Variants in ALK observed in about 807,000 individuals in gnomAD.
ALK encodes the protein ALK tyrosine kinase receptor.
Under a neutral mutation model 163.1 loss-of-function variants are expected in ALK, and 74 were observed. That is an observed-to-expected ratio of 0.45 (90% CI 0.38 to 0.55). The LOEUF is 0.55. Among genes scored for constraint, ALK ranks in the 20% least tolerant of loss-of-function variants. The pLI, the probability that ALK is intolerant of heterozygous loss-of-function variation, is 0.00. For missense variants in ALK, 2,063 were observed against 2,105.3 expected, an observed-to-expected ratio of 0.98 and a Z score of 0.39; for synonymous variants, 960 against 843.2, an observed-to-expected ratio of 1.14 and a Z score of -2.40.
chr2:29,800,779 A>G (rs1049875218), intron 1 of ALK, among the ~76,000 whole-genome samples: 7 of 152,224 alleles, frequency 4.6e-5, no homozygotes, highest in Non-Finnish European at 1.5e-5. Flanking sequence ...ACAGGCAGAG[A>G]GGAAGAACCA....
chr2:29,870,890 T>G (rs1374736333), intron 1 of ALK, among the ~76,000 whole-genome samples: 7 of 152,142 alleles, frequency 4.6e-5, no homozygotes, highest in African/African-American at 1.7e-4. Flanking sequence ...TAGGAACAAT[T>G]AAGTGTTTTA....
At chr2:29,868,600 T>C (rs981427559) in intron 1 of ALK, among the ~76,000 whole-genome samples, 3 of 152,086 alleles carry the variant, frequency 2.0e-5, no homozygotes, top group African/African-American at 7.2e-5. Context: ...TATAGATATC[T>C]AGGGGAGGGG....
chr2:29,566,339 AAG>A (rs1674189495), intron 3 of ALK, among the ~76,000 whole-genome samples: 1 of 152,234 alleles, frequency 6.6e-6, no homozygotes, highest in Non-Finnish European at 1.5e-5. Flanking sequence ...CATTTTATTT[AAG>A]ATGCTAACAA....
intron 1 of ALK, among the ~76,000 whole-genome samples, chr2:29,908,205 C>T (rs556683404): frequency 6.6e-6 from 1 of 152,114 alleles, no homozygotes; most frequent in African/African-American, 2.4e-5. Context: ...CACAAAAAGC[C>T]AGGCTAACCT....
At chr2:29,280,632 G>T (rs996004808) in intron 9 of ALK, among the ~76,000 whole-genome samples, 1 of 150,704 alleles carries the variant, frequency 6.6e-6, no homozygotes. Context: ...GGGACTGAGG[G>T]AAAGTTCTAG....
At chr2:29,393,106 C>G (rs973339380) in intron 4 of ALK, among the ~76,000 whole-genome samples, 7 of 152,100 alleles carry the variant, frequency 4.6e-5, no homozygotes, top group Middle Eastern at 3.2e-3. Context: ...TTTAGTACCC[C>G]TAGACCCCCT....
At chr2:29,311,254 C>T (rs1420960973) in intron 8 of ALK, among the ~76,000 whole-genome samples, 1 of 152,198 alleles carries the variant, frequency 6.6e-6, no homozygotes, top group Non-Finnish European at 1.5e-5. Context: ...CTTCAAAATG[C>T]ACCATCTATG....
chr2:29,735,461 ATAGTAG>A (rs1040123888), intron 1 of ALK, among the ~76,000 whole-genome samples: 5 of 152,058 alleles, frequency 3.3e-5, no homozygotes, highest in African/African-American at 1.2e-4. Context: ...AATAATAGTA[ATAGTAG>A]TAGTAAGAGT....
intron 11 of ALK, among the ~76,000 whole-genome samples, chr2:29,262,653 G>A (rs190504609): frequency 9.1e-4 from 138 of 152,306 alleles, no homozygotes; most frequent in African/African-American, 3.2e-3. Flanking sequence ...GTATCCCATG[G>A]AACAAAGACC....
chr2:29,339,091 T>G (rs1573252421), intron 5 of ALK, among the ~76,000 whole-genome samples: 2 of 151,860 alleles, frequency 1.3e-5, no homozygotes, highest in African/African-American at 4.8e-5. Context: ...AAAAATACAA[T>G]AATTAGCCAG....
At chr2:29,226,478 CAAAAAAAAAAAA>C (rs3028223) in intron 18 of ALK, among the ~76,000 whole-genome samples, 1 of 84,914 alleles carries the variant, frequency 1.2e-5, no homozygotes, top group Non-Finnish European at 2.3e-5. Flanking sequence ...AACTCCGCCT[CAAAAAAAAAAAA>C]AAAAAAAAAA....
intron 15 of ALK, 70 bp downstream of exon 15, chr2:29,232,234 G>A (rs1056463061): frequency 1.4e-5 from 22 of 1,589,846 alleles, no homozygotes; most frequent in Non-Finnish European, 1.6e-5. Flanking sequence ...CCTCAGGCAT[G>A]CGATGGCATC....
rs1306212162 is a variant in ALK, at chr2:29,920,098, G to A, written c.562C>T (p.Arg188Cys). 4 of 1,614,064 alleles carry A rather than the reference G, an allele frequency of 2.5e-6. No individual in the cohort carries two copies. Among genetic ancestry groups the A allele is most frequent in the African/African-American group, 2.7e-5 (2 of 74,958 alleles). The change falls in exon 1 of 29, where the codon CGC (arginine) becomes TGC (cysteine). Residue 188 changes from arginine to cysteine, a missense_variant. Transcript: ENST00000389048. ...IRQGEGRLRIRLMPEKKASEV... is the reference protein window; with the variant it reads ...IRQGEGRLRICLMPEKKASEV... ...GACGCCTTCTTCTCGGGCATCAGGCGGATCCTCAGTCGCCCTTCGCCTTGG... is the reference window on the plus strand; with the variant it reads ...GACGCCTTCTTCTCGGGCATCAGGCAGATCCTCAGTCGCCCTTCGCCTTGG...
intron 28 of ALK, among the ~76,000 whole-genome samples, chr2:29,194,660 C>CCACCCCCCCACCCCCG (rs1668978746): frequency 8.2e-6 from 1 of 122,586 alleles, no homozygotes; most frequent in Non-Finnish European, 1.7e-5. Flanking sequence ...CCCCACCCCC[C>CCACCCCCCCACCCCCG]CACCCCCCCA....
intron 3 of ALK, among the ~76,000 whole-genome samples, chr2:29,533,943 A>G (rs1268109362): frequency 1.3e-5 from 2 of 152,174 alleles, no homozygotes; most frequent in Admixed American, 6.5e-5. Flanking sequence ...TCTTACAGGG[A>G]GAGAAAAACA....
At chr2:29,644,184 T>A (rs1676803801) in intron 3 of ALK, among the ~76,000 whole-genome samples, 5 of 131,528 alleles carry the variant, frequency 3.8e-5, no homozygotes, top group Middle Eastern at 0.011. Context: ...CACTCATAGG[T>A]GGGAATTGAA....
chr2:29,380,294 C>T (rs555806260), intron 5 of ALK, among the ~76,000 whole-genome samples: 54 of 151,780 alleles, frequency 3.6e-4, no homozygotes, highest in African/African-American at 1.2e-3. Context: ...TTAGTAGAGA[C>T]GGGGTTTCAC....
chr2:29,457,732 A>G (rs934073329), intron 4 of ALK, among the ~76,000 whole-genome samples: 21 of 152,146 alleles, frequency 1.4e-4, no homozygotes, highest in African/African-American at 4.6e-4. Context: ...AGAGTCTACT[A>G]TTTGTCAGAC....
At chr2:29,455,760 C>T (rs1003974433) in intron 4 of ALK, among the ~76,000 whole-genome samples, 4 of 152,232 alleles carry the variant, frequency 2.6e-5, no homozygotes, top group African/African-American at 9.6e-5. Context: ...TATAACTGCA[C>T]AGACTGAAGT....
Sources: gnomAD v4.1 joint callset for allele counts (sites outside exome capture counted in the v4.1 genomes callset) on GRCh38, gnomAD v4.1.1 for gene constraint, MANE v1.5 for transcripts, NCBI Gene and HGNC (gene_info 2026-07-23, HGNC 2026-07-21) for gene names.